The following POLR2B variants were observed in gnomAD, a reference collection of about 807,000 sequenced individuals.
The protein encoded by POLR2B is RNA polymerase II subunit B.
A neutral mutation model predicts 144.6 loss-of-function variants in POLR2B; 57 were observed. That is an observed-to-expected ratio of 0.39 (90% CI 0.32 to 0.49). The LOEUF is 0.49. Ranked by LOEUF, POLR2B falls within the 20% of genes least tolerant of loss-of-function variation. POLR2B has a pLI of 0.83. For synonymous variants in POLR2B, 442 were observed against 469.8 expected, an observed-to-expected ratio of 0.94 and a Z score of 0.77; for missense variants, 595 against 1,467.4, an observed-to-expected ratio of 0.41 and a Z score of 9.71.
At chr4:57,026,201 G>T (rs554182823) in intron 23 of POLR2B, among the ~76,000 whole-genome samples, 8 of 152,188 alleles carry the variant, frequency 5.3e-5, no homozygotes, top group African/African-American at 1.2e-4. Flanking sequence ...TCACACCCCT[G>T]TGCTCCAGCC....
intron 10 of POLR2B, chr4:57,010,060 G>T: frequency 3.7e-6 from 1 of 270,468 alleles, no homozygotes; most frequent in Non-Finnish European, 7.1e-6. Context: ...TCTAGGTGCT[G>T]GGATACAACA....
chr4:56,998,625 C>T (rs111976808), intron 6 of POLR2B, among the ~76,000 whole-genome samples: 4,875 of 151,646 alleles, frequency 0.032, 324 homozygotes, highest in East Asian at 0.25. Flanking sequence ...CCCAAAGTGC[C>T]GGGATTACAG....
intron 9 of POLR2B, 62 bp downstream of exon 9, chr4:57,005,781 T>A: frequency 6.8e-7 from 1 of 1,477,396 alleles, no homozygotes; most frequent in South Asian, 1.2e-5. Context: ...AGATTGATCA[T>A]TGCATATGGC....
intron 17 of POLR2B, among the ~76,000 whole-genome samples, chr4:57,021,203 A>G (rs58580770): frequency 0.02 from 3,116 of 152,304 alleles, 108 homozygotes; most frequent in African/African-American, 0.071. Flanking sequence ...GTAAGGAAAT[A>G]TACAGTTGCA....
chr4:56,995,525 C>A (rs1722651844), intron 6 of POLR2B, 116 bp downstream of exon 6: 2 of 645,102 alleles, frequency 3.1e-6, no homozygotes, highest in Admixed American at 2.8e-5. Flanking sequence ...TGTTATATAT[C>A]GTATTGTTTA....
intron 2 of POLR2B, among the ~76,000 whole-genome samples, chr4:56,987,219 C>A (rs965412270): frequency 1.3e-5 from 2 of 152,116 alleles, no homozygotes; most frequent in Admixed American, 1.3e-4. Context: ...AATTTGATTG[C>A]TTGGTTTTCT....
intron 7 of POLR2B, among the ~76,000 whole-genome samples, chr4:57,003,701 G>A (rs1722922396): frequency 6.6e-6 from 1 of 151,946 alleles, no homozygotes; most frequent in Admixed American, 6.6e-5. Flanking sequence ...AAATTAGCTG[G>A]GTGTGGTAGT....
intron 7 of POLR2B, among the ~76,000 whole-genome samples, chr4:57,004,020 C>CTTTTTTT (rs138828073): frequency 1.4e-5 from 1 of 72,336 alleles, no homozygotes; most frequent in Non-Finnish European, 2.4e-5. Flanking sequence ...TAAATTAAAT[C>CTTTTTTT]TTTTTTTTTT....
chr4:57,004,147 C>G (rs1265164239), intron 7 of POLR2B, among the ~76,000 whole-genome samples: 1 of 151,452 alleles, frequency 6.6e-6, no homozygotes, highest in Non-Finnish European at 1.5e-5. Context: ...CTGCCTCAGC[C>G]TCCCAAGTAG....
intron 17 of POLR2B, among the ~76,000 whole-genome samples, 185 bp downstream of exon 17, chr4:57,021,180 A>G (rs1460534713): frequency 2.0e-5 from 3 of 152,222 alleles, no homozygotes; most frequent in Non-Finnish European, 4.4e-5. Flanking sequence ...TAGTATTTTG[A>G]GCCTTTCTTT....
chr4:56,980,865 C>T (rs1411755940), intron 1 of POLR2B, among the ~76,000 whole-genome samples: 3 of 150,934 alleles, frequency 2.0e-5, no homozygotes, highest in Non-Finnish European at 4.4e-5. Flanking sequence ...AGTGTGGTGG[C>T]GCAATCTCGG....
At position 57,023,746 on chromosome 4, in the gene POLR2B, C is replaced by T; in HGVS notation, c.2851C>T (p.Gln951Ter). 6.3e-7 allele frequency: 1 copy of T among 1,583,506 alleles called. No homozygotes were observed. Among genetic ancestry groups the T allele is most frequent in the African/African-American group, 1.4e-5 (1 of 73,950 alleles). ...GGGTACTTGTGGTATTCAGTATAGA[C>T]AAGAGGTAGGTATCTTTGATCTCCC... The part of the protein sequence containing the change: ...QKGTCGIQYR[Q>*]EDMPFTCEGI... Residue 951 changes from glutamine to a stop codon, truncating the protein, a stop_gained, in exon 20 of 25, where the codon CAA (glutamine) becomes TAA (stop). Transcript: ENST00000314595. LOFTEE classifies it high-confidence loss of function. The surrounding 1 kb of genome is among the most constrained non-coding windows in gnomAD (Gnocchi z 4.3).
intron 6 of POLR2B, among the ~76,000 whole-genome samples, chr4:56,996,236 G>GTGTGTGTGTGTGTGTGTA (rs1291577789): frequency 4.7e-4 from 64 of 136,248 alleles, no homozygotes; most frequent in Non-Finnish European, 9.1e-4. Flanking sequence ...GTGTGTGTGT[G>GTGTGTGTGTGTGTGTGTA]TGTATGTATA....
chr4:56,989,762 G>A (rs1001151904), intron 2 of POLR2B, among the ~76,000 whole-genome samples: 1 of 152,192 alleles, frequency 6.6e-6, no homozygotes, highest in African/African-American at 2.4e-5. Context: ...CTTGAGGGTT[G>A]TGCTACATCC....
chr4:56,996,447 AT>A (rs781334222), intron 6 of POLR2B, among the ~76,000 whole-genome samples: 2,735 of 145,412 alleles, frequency 0.019, 45 homozygotes, highest in Non-Finnish European at 0.029. Flanking sequence ...CGCCCGGCTA[AT>A]TTTTTTTTTG....
intron 7 of POLR2B, among the ~76,000 whole-genome samples, chr4:57,000,705 T>G (rs927494632): frequency 1.3e-5 from 2 of 149,956 alleles, no homozygotes; most frequent in African/African-American, 5.0e-5. Context: ...ACTGTTTTTT[T>G]TGGGGGGGAG....
intron 23 of POLR2B, among the ~76,000 whole-genome samples, chr4:57,029,138 T>C (rs1723827574): frequency 6.6e-6 from 1 of 152,208 alleles, no homozygotes; most frequent in South Asian, 2.1e-4. Context: ...GCGTTTGAGT[T>C]TTTTGGCAGT....
At position 57,023,857 on chromosome 4, in the gene POLR2B, C is replaced by CTT. The variant is rs1049577544; in HGVS notation, c.2856+110_2856+111dup. The CTT allele has an allele frequency of 1.2e-4, 104 of 854,846 alleles. No individual in the cohort carries two copies. In the African/African-American group the frequency reaches 1.6e-3, roughly 13 times the overall value. The allele number at this position is 854,846 out of a possible 1,614,324, so 53.0% of individuals were successfully genotyped here. On this transcript the variant is annotated intron_variant, in intron 20 of 24. Transcript: ENST00000314595. The surrounding 1 kb of genome is among the most constrained non-coding windows in gnomAD (Gnocchi z 4.3). Reference sequence around the variant, plus strand: ...GAGCTCAAAGATGATACAGGTTGAACTTTTTGATTTTATTGTTGAATAAGT... The same window carrying CTT: ...GAGCTCAAAGATGATACAGGTTGAACTTTTTTTGATTTTATTGTTGAATAAGT...
chr4:57,019,906 CAGTCTTTCCTTG>C, intron 16 of POLR2B, among the ~76,000 whole-genome samples: 1 of 152,108 alleles, frequency 6.6e-6, no homozygotes, highest in Non-Finnish European at 1.5e-5. Context: ...AACAGTTTCT[CAGTCTTTCCTTG>C]TCTTTCATGA....
Sources: gnomAD v4.1 joint callset for allele counts (sites outside exome capture counted in the v4.1 genomes callset) on GRCh38, gnomAD v4.1.1 for gene constraint, Gnocchi (gnomAD v3.1) non-coding constraint, MANE v1.5 for transcripts, NCBI Gene and HGNC (gene_info 2026-07-23, HGNC 2026-07-21) for gene names.